Variants in SPIDR observed in about 807,000 individuals in gnomAD.
SPIDR encodes DNA repair-scaffolding protein.
Under a neutral mutation model 104.6 loss-of-function variants are expected in SPIDR, and 93 were observed. That is an observed-to-expected ratio of 0.89 (90% CI 0.75 to 1.06). The LOEUF (loss-of-function observed/expected upper bound fraction) is 1.06. Among genes scored for constraint, SPIDR ranks in the 50% least tolerant of loss-of-function variants. SPIDR has a pLI of 0.00. For missense variants in SPIDR, 1,154 were observed against 1,111.2 expected (o/e 1.04, Z -0.55); for synonymous variants, 431 against 416.9 (o/e 1.03, Z -0.41).
chr8:47,679,927 T>A (rs770335927), intron 11 of SPIDR, among the ~76,000 whole-genome samples: 1 of 152,216 alleles, frequency 6.6e-6, no homozygotes, highest in Non-Finnish European at 1.5e-5. Context: ...ACATTAGGTG[T>A]TTTCTTGGGT....
rs922638860 is a variant in SPIDR at position 47,360,263 on chromosome 8, A to G, written c.526-36113A>G. 1.0e-4 allele frequency among the ~76,000 whole-genome samples: 15 copies of G among 150,314 alleles called. No individual in the cohort carries two copies. In the East Asian group the frequency reaches 2.1e-3, roughly 21 times the overall value. Reference sequence around the variant, plus strand: ...CCATCTCAAAAAAAAAAAAAAAAAAAAAAAAAAAGAAATAGAGGGACTGCC... The same window carrying G: ...CCATCTCAAAAAAAAAAAAAAAAAAGAAAAAAAAGAAATAGAGGGACTGCC... On this transcript the variant is annotated intron_variant, in intron 5 of 19. Transcript: ENST00000297423.
chr8:47,528,645 A>G (rs1037297605), intron 8 of SPIDR, among the ~76,000 whole-genome samples: 20 of 152,234 alleles, frequency 1.3e-4, no homozygotes, highest in African/African-American at 4.3e-4. Flanking sequence ...CGAAGGCACC[A>G]TAACAGAAGT....
intron 5 of SPIDR, among the ~76,000 whole-genome samples, chr8:47,382,503 C>CCT: frequency 6.6e-6 from 1 of 152,202 alleles, no homozygotes; most frequent in Admixed American, 6.5e-5. Context: ...ACCTCTGCCT[C>CCT]CTGGGTTCAA....
At chr8:47,295,625 T>C (rs1314842871) in intron 5 of SPIDR, among the ~76,000 whole-genome samples, 1 of 152,200 alleles carries the variant, frequency 6.6e-6, no homozygotes, top group Admixed American at 6.5e-5. Context: ...TTGCAAATGA[T>C]AGAATTTCCT....
chr8:47,634,268 A>G (rs1477765988), intron 10 of SPIDR, among the ~76,000 whole-genome samples: 4 of 152,114 alleles, frequency 2.6e-5, no homozygotes, highest in African/African-American at 4.8e-5. Context: ...CCTGGCCAAG[A>G]TGGTGAAACC....
intron 8 of SPIDR, among the ~76,000 whole-genome samples, chr8:47,576,326 T>C (rs1023752863): frequency 8.5e-5 from 13 of 152,132 alleles, no homozygotes; most frequent in Non-Finnish European, 1.9e-4. Flanking sequence ...TAATTATGTA[T>C]TTTTAGTAGA....
chr8:47,652,263 C>T (rs917606386), intron 10 of SPIDR, among the ~76,000 whole-genome samples: 14 of 152,140 alleles, frequency 9.2e-5, no homozygotes, highest in African/African-American at 2.2e-4. Context: ...GAGTGACATA[C>T]GCTCCCAGCA....
At chr8:47,593,830 G>A (rs557757602) in intron 8 of SPIDR, among the ~76,000 whole-genome samples, 13 of 152,284 alleles carry the variant, frequency 8.5e-5, no homozygotes, top group African/African-American at 3.1e-4. Context: ...GGGAGGGCCA[G>A]GGAAGCCTTG....
At position 47,728,990 on chromosome 8, in the gene SPIDR, G is replaced by A. The variant is rs2084762882; in HGVS notation, c.2493G>A (p.Arg831=). ...TGGTCACATCTCCTGTTCTCAAGAG[G>A]CACCTGCAGGTCTTCCTGGACTGCC... ...SRVVTSPVLK[R]HLQVFLDCRS... The change falls in exon 18 of 20, where the codon AGG becomes AGA. Residue 831 remains arginine (R), a synonymous_variant. Coordinates refer to ENST00000297423, the MANE Select transcript of SPIDR (RefSeq NM_001080394.4). The A allele has an allele frequency of 6.2e-7, 1 of 1,613,844 alleles. No homozygotes were observed. The highest frequency in any genetic ancestry group is 1.7e-5 in the Admixed American group (1 of 60,006).
intron 1 of SPIDR, 130 bp downstream of exon 1, chr8:47,261,121 T>C (rs2032068347): frequency 5.7e-6 from 6 of 1,056,560 alleles, no homozygotes; most frequent in Non-Finnish European, 7.2e-6. Flanking sequence ...GGCTAGGTGG[T>C]GGCGGGTCCC....
At chr8:47,413,848 A>G (rs1174146597) in intron 7 of SPIDR, among the ~76,000 whole-genome samples, 4 of 152,224 alleles carry the variant, frequency 2.6e-5, no homozygotes, top group African/African-American at 9.6e-5. Context: ...GGTTGAGTAT[A>G]TGCTATAGAT....
At chr8:47,350,252 G>T (rs782000408) in intron 5 of SPIDR, among the ~76,000 whole-genome samples, 10 of 152,222 alleles carry the variant, frequency 6.6e-5, no homozygotes, top group Non-Finnish European at 1.2e-4. Flanking sequence ...GAGTGTGATT[G>T]CTAAGATTAG....
chr8:47,407,981 C>G lies in SPIDR; in HGVS notation c.877+20C>G. 7.3e-7 allele frequency: 1 copy of G among 1,372,466 alleles called. No individual in the cohort carries two copies. Among genetic ancestry groups the G allele is most frequent in the Non-Finnish European group, 1.0e-6 (1 of 996,876 alleles). 85.0% of individuals were successfully genotyped at this position (1,372,466 alleles called of 1,614,324 possible). A position where few individuals can be genotyped will look rare whatever the true frequency, so the allele number is the denominator to read the frequency against. On this transcript the variant is annotated intron_variant, in intron 7 of 19. Transcript: ENST00000297423. The stretch of plus-strand genomic sequence containing the variant: ...TTTCAGGTAAGGCTTGTGCAGGAAT[C>G]TGAGACAATGTGTAAAAAAATATTT...
In SPIDR at chr8:47,430,918, A is replaced by G. The variant is rs147351724; in HGVS notation, c.878-9405A>G. ...ATGAAGAAGTTTTCAAGAAAGAAGAACTCGTATTCTCGATACTCAGAGTGG... is the reference window on the plus strand; with the variant it reads ...ATGAAGAAGTTTTCAAGAAAGAAGAGCTCGTATTCTCGATACTCAGAGTGG... On this transcript the variant is annotated intron_variant, in intron 7 of 19. Coordinates refer to ENST00000297423, the MANE Select transcript of SPIDR (RefSeq NM_001080394.4). 3.0e-3 allele frequency among the ~76,000 whole-genome samples: 458 copies of G among 152,270 alleles called. 4 individuals carry two copies. Among genetic ancestry groups the G allele is most frequent in the Middle Eastern group, 0.024 (7 of 294 alleles).
intron 7 of SPIDR, among the ~76,000 whole-genome samples, chr8:47,426,037 G>A (rs2066352287): frequency 1.3e-5 from 2 of 151,160 alleles, no homozygotes; most frequent in South Asian, 2.1e-4. Flanking sequence ...GAGGTCAGGA[G>A]TTCAAGACCA....
In SPIDR at chr8:47,713,174, G is replaced by T. The variant is rs879565273; in HGVS notation, c.2188+302G>T. The stretch of plus-strand genomic sequence containing the variant: ...AGAATATTATAAATGCGTATACTTA[G>T]ATCAGCCAGCCCCTTTTTCCAGGGA... On this transcript the variant is annotated intron_variant, in intron 15 of 19. Transcript: ENST00000297423. The T allele has an allele frequency of 1.3e-4, 87 of 680,980 alleles. No homozygotes were observed. In the Admixed American group the frequency reaches 2.6e-3, roughly 21 times the overall value. The allele number at this position is 680,980 out of a possible 1,614,324, so 42.2% of individuals were successfully genotyped here.
chr8:47,299,322 G>C (rs2041564407), intron 5 of SPIDR, among the ~76,000 whole-genome samples: 1 of 152,208 alleles, frequency 6.6e-6, no homozygotes, highest in Non-Finnish European at 1.5e-5. Context: ...CTTTGCTGAA[G>C]TTGCCTGTCA....
At chr8:47,576,068 A>G (rs1238664154) in intron 8 of SPIDR, among the ~76,000 whole-genome samples, 1 of 151,768 alleles carries the variant, frequency 6.6e-6, no homozygotes. Flanking sequence ...ATTTTCTACA[A>G]TAGGCATATT....
intron 5 of SPIDR, among the ~76,000 whole-genome samples, chr8:47,380,517 G>A (rs77182583): frequency 0.025 from 3,739 of 152,046 alleles, 66 homozygotes; most frequent in Non-Finnish European, 0.037. Context: ...ACTTTGACCC[G>A]GCAGGTGCCT....
Sources: allele counts gnomAD v4.1 joint callset (sites outside exome capture counted in the v4.1 genomes callset), GRCh38; gene constraint gnomAD v4.1.1; transcripts MANE v1.5; gene names NCBI Gene and HGNC (gene_info 2026-07-23, HGNC 2026-07-21).